AFG2A: variants seen among roughly 807,000 people sequenced by gnomAD.
AFG2A encodes the protein AAA ATPase AFG2A.
the AFG2A span, among the ~76,000 whole-genome samples, chr4:122,961,170 A>G: frequency 1.2e-4 from 18 of 152,342 alleles, no homozygotes; most frequent in South Asian, 2.3e-3. Flanking sequence ...ATAGCCTGGC[A>G]GCAGTGGTGA....
the AFG2A span, among the ~76,000 whole-genome samples, chr4:123,104,794 T>G: frequency 6.6e-6 from 1 of 152,198 alleles, no homozygotes; most frequent in Admixed American, 6.5e-5. Flanking sequence ...TCTTCAATTC[T>G]GTGAAGGCGG....
At chr4:122,947,221 T>G in the AFG2A span, 38 of 1,526,298 alleles carry the variant, frequency 2.5e-5, no homozygotes, top group Non-Finnish European at 3.3e-5. Context: ...TATTTTCATT[T>G]TATTTTGTTA....
the AFG2A span, among the ~76,000 whole-genome samples, chr4:123,305,226 C>T: frequency 2.0e-5 from 3 of 152,158 alleles, no homozygotes; most frequent in African/African-American, 2.4e-5. Flanking sequence ...TACCCTTCCA[C>T]CTTTCTTTGA....
At chr4:122,955,855 T>C in the AFG2A span, among the ~76,000 whole-genome samples, 1 of 152,178 alleles carries the variant, frequency 6.6e-6, no homozygotes, top group Non-Finnish European at 1.5e-5. Flanking sequence ...TCTGTCTAGT[T>C]TCTGTGAAGC....
chr4:123,003,824 T>C, the AFG2A span, among the ~76,000 whole-genome samples: 2 of 152,066 alleles, frequency 1.3e-5, no homozygotes, highest in African/African-American at 4.8e-5. Flanking sequence ...GGAAAACCAC[T>C]GCTGTCCTGA....
At chr4:123,193,482 C>T in the AFG2A span, among the ~76,000 whole-genome samples, 1 of 152,054 alleles carries the variant, frequency 6.6e-6, no homozygotes, top group Admixed American at 6.6e-5. Flanking sequence ...CTTTTAGTTG[C>T]TGAATGTTAA....
chr4:123,173,741 G>GA, the AFG2A span, among the ~76,000 whole-genome samples: 1 of 152,084 alleles, frequency 6.6e-6, no homozygotes, highest in Non-Finnish European at 1.5e-5. Context: ...TATTAATGGT[G>GA]AAAATATGTA....
the AFG2A span, among the ~76,000 whole-genome samples, chr4:122,948,372 G>A: frequency 2.2e-5 from 3 of 139,284 alleles, no homozygotes; most frequent in Non-Finnish European, 4.6e-5. Flanking sequence ...TATCCTACTA[G>A]ACTTCTCCAG....
At chr4:123,123,039 C>G in the AFG2A span, among the ~76,000 whole-genome samples, 2 of 152,056 alleles carry the variant, frequency 1.3e-5, no homozygotes, top group African/African-American at 2.4e-5. Context: ...TCAAGAAAAT[C>G]TATTTTACTT....
chr4:122,974,681 C>T, the AFG2A span, among the ~76,000 whole-genome samples: 2 of 151,964 alleles, frequency 1.3e-5, no homozygotes, highest in African/African-American at 4.8e-5. Context: ...GCTATTATTG[C>T]CCAGGCTGGA....
the AFG2A span, among the ~76,000 whole-genome samples, chr4:123,030,411 T>A: frequency 6.6e-6 from 1 of 152,220 alleles, no homozygotes; most frequent in Non-Finnish European, 1.5e-5. Flanking sequence ...TTTTTTTCAC[T>A]ATGAGGAAAT....
the AFG2A span, among the ~76,000 whole-genome samples, chr4:123,204,311 A>G: frequency 1.3e-5 from 2 of 152,174 alleles, no homozygotes; most frequent in African/African-American, 2.4e-5. Context: ...CTACCAAACT[A>G]TCTTCCAGAG....
At chr4:123,082,522 T>C in the AFG2A span, among the ~76,000 whole-genome samples, 1 of 75,216 alleles carries the variant, frequency 1.3e-5, no homozygotes, top group Non-Finnish European at 4.5e-5. Context: ...CTCTCTTTTT[T>C]CTTTTTTTTT....
At chr4:122,942,527 T>C in the AFG2A span, among the ~76,000 whole-genome samples, 11 of 152,192 alleles carry the variant, frequency 7.2e-5, no homozygotes, top group South Asian at 1.9e-3. Context: ...TCTCTCTTTT[T>C]TTCTTTATTA....
chr4:123,192,113 G>A, the AFG2A span, among the ~76,000 whole-genome samples: 24 of 151,142 alleles, frequency 1.6e-4, no homozygotes, highest in Non-Finnish European at 2.2e-4. Context: ...TGCAACCTCC[G>A]CCTCCTGGAC....
At chr4:123,171,722 A>T in the AFG2A span, among the ~76,000 whole-genome samples, 1 of 152,158 alleles carries the variant, frequency 6.6e-6, no homozygotes, top group Non-Finnish European at 1.5e-5. Context: ...AGCTCTCAAT[A>T]TTTAAATTGA....
the AFG2A span, among the ~76,000 whole-genome samples, chr4:123,144,345 A>G: frequency 0.015 from 2,312 of 152,218 alleles, 22 homozygotes; most frequent in African/African-American, 0.025. Flanking sequence ...TAATGTAAGG[A>G]TAAAATGTAA....
chr4:123,028,465 C>A, the AFG2A span: 1 of 1,293,204 alleles, frequency 7.7e-7, no homozygotes, highest in South Asian at 1.2e-5. Context: ...TGACTCCTAC[C>A]TTTAGGAGAA....
chr4:122,984,609 C>A, the AFG2A span, among the ~76,000 whole-genome samples: 1 of 152,106 alleles, frequency 6.6e-6, no homozygotes, highest in Non-Finnish European at 1.5e-5. Flanking sequence ...GCTTTTATTA[C>A]ATTAAGGTAT....
Sources: gnomAD v4.1 joint callset for allele counts (sites outside exome capture counted in the v4.1 genomes callset) on GRCh38, gnomAD v4.1.1 for gene constraint, MANE v1.5 for transcripts, NCBI Gene and HGNC (gene_info 2026-07-23, HGNC 2026-07-21) for gene names.